The following DOCK1 variants were observed in gnomAD, a reference collection of about 807,000 sequenced individuals.
The protein encoded by DOCK1 is dedicator of cytokinesis protein 1.
DOCK1 carries 138 observed loss-of-function variants against 262.7 expected under a neutral mutation model. The ratio of observed to expected loss-of-function variants is 0.53; its 90% CI spans 0.46 to 0.61. The LOEUF is 0.61. DOCK1 is among the 20% of genes least tolerant of loss of function. DOCK1 has a pLI of 0.00. For synonymous variants in DOCK1, 866 were observed against 867.4 expected (o/e 1.00, Z 0.03); for missense variants, 1,908 against 2,370.7 (o/e 0.80, Z 4.05).
intron 27 of DOCK1, among the ~76,000 whole-genome samples, chr10:127,212,501 C>G (rs960772472): frequency 1.3e-5 from 2 of 152,076 alleles, no homozygotes; most frequent in African/African-American, 4.8e-5. Flanking sequence ...CGGGCAGGTG[C>G]GAACGGTGGA....
intron 27 of DOCK1, among the ~76,000 whole-genome samples, chr10:127,149,255 C>T (rs1564842451): frequency 2.0e-5 from 3 of 152,236 alleles, no homozygotes; most frequent in East Asian, 1.9e-4. Context: ...ACAGACACCC[C>T]ACCCAAGAGA....
At chr10:127,020,481 C>T (rs959068364) in intron 13 of DOCK1, among the ~76,000 whole-genome samples, 1 of 151,714 alleles carries the variant, frequency 6.6e-6, no homozygotes, top group Non-Finnish European at 1.5e-5. Flanking sequence ...GTGGGAGGAT[C>T]CCTGGAGCAC....
chr10:127,008,934 T>A, intron 11 of DOCK1, 130 bp downstream of exon 11: 1 of 912,664 alleles, frequency 1.1e-6, no homozygotes, highest in Non-Finnish European at 1.6e-6. Context: ...GAAAAACCTC[T>A]TTAGTCACTG....
rs779209910 is a variant in DOCK1, at chr10:127,175,422, G to A, written c.2847+47658G>A. 2.5e-6 allele frequency: 4 copies of A among 1,613,144 alleles called. No homozygotes were observed. The highest frequency in any genetic ancestry group is 2.5e-6 in the Non-Finnish European group (3 of 1,180,044). On this transcript the variant is annotated intron_variant, in intron 27 of 51. Coordinates refer to ENST00000623213, the MANE Select transcript of DOCK1 (RefSeq NM_001290223.2). This position sits in a 1 kb window ranked among gnomAD's most constrained non-coding sequence, Gnocchi z 6.3. Reference sequence around the variant, plus strand: ...GTTCCCCAGCCCCGGCGGGGTGTGAGTCTGCGACGGCTGCTCACTACATTC... The same window carrying A: ...GTTCCCCAGCCCCGGCGGGGTGTGAATCTGCGACGGCTGCTCACTACATTC...
chr10:126,963,613 C>CCCTTA, intron 1 of DOCK1, among the ~76,000 whole-genome samples: 1 of 64,432 alleles, frequency 1.6e-5, no homozygotes, highest in Admixed American at 2.1e-4. Context: ...CCCTTCCCTT[C>CCCTTA]CCTTCCCTTC....
At chr10:126,997,142 T>C (rs1199895157) in intron 7 of DOCK1, among the ~76,000 whole-genome samples, 2 of 152,186 alleles carry the variant, frequency 1.3e-5, no homozygotes, top group Non-Finnish European at 2.9e-5. Context: ...TGTTCTCATC[T>C]GTCAAATGAG....
chr10:126,945,937 G>A (rs2134292721), intron 1 of DOCK1, among the ~76,000 whole-genome samples: 1 of 152,288 alleles, frequency 6.6e-6, no homozygotes, highest in Non-Finnish European at 1.5e-5. Flanking sequence ...GAATGCTCAG[G>A]TGTGGTTTGC....
chr10:127,362,856 TACATCCCCACACAC>T (rs2064585597), intron 33 of DOCK1, among the ~76,000 whole-genome samples: 1 of 5,422 alleles, frequency 1.8e-4, no homozygotes, highest in African/African-American at 7.0e-4. Flanking sequence ...CACACACATG[TACATCCCCACACAC>T]ACACATACAC....
At chr10:127,147,908 G>A (rs1010144812) in intron 27 of DOCK1, among the ~76,000 whole-genome samples, 6 of 151,652 alleles carry the variant, frequency 4.0e-5, no homozygotes, top group East Asian at 1.9e-4. Context: ...GTGCGCGCAC[G>A]TAGTCCCAGC....
intron 27 of DOCK1, among the ~76,000 whole-genome samples, chr10:127,131,129 G>A (rs1449440323): frequency 6.6e-6 from 1 of 152,142 alleles, no homozygotes; most frequent in Admixed American, 6.5e-5. Context: ...AGCCTTGCAT[G>A]TTCTAAGAAG....
intron 27 of DOCK1, among the ~76,000 whole-genome samples, chr10:127,151,877 C>A (rs2483852): frequency 0.71 from 108,324 of 152,100 alleles, 43,199 homozygotes; most frequent in South Asian, 0.89. Flanking sequence ...CCACTCGAGT[C>A]ATTCCTGAAA....
At chr10:127,125,112 G>A (rs910070164) in intron 25 of DOCK1, among the ~76,000 whole-genome samples, 9 of 152,202 alleles carry the variant, frequency 5.9e-5, no homozygotes, top group Non-Finnish European at 1.0e-4. Context: ...GCAAGACTCC[G>A]TCTCAAAAAC....
chr10:127,428,827 ACCGTGTGGATTGTG>A (rs1222358621), intron 47 of DOCK1, among the ~76,000 whole-genome samples: 29 of 45,572 alleles, frequency 6.4e-4, no homozygotes, highest in African/African-American at 1.6e-3. Flanking sequence ...GGATTGGGGT[ACCGTGTGGATTGTG>A]CCGTGTGGAT....
intron 10 of DOCK1, among the ~76,000 whole-genome samples, chr10:127,003,658 C>T (rs1332087764): frequency 6.6e-6 from 1 of 152,166 alleles, no homozygotes; most frequent in Admixed American, 6.5e-5. Context: ...TGGTGTGTGT[C>T]TGTACATTAT....
chr10:126,981,748 A>G (rs1271821444), intron 3 of DOCK1, among the ~76,000 whole-genome samples, 170 bp from the exon 4 acceptor site: 1 of 152,202 alleles, frequency 6.6e-6, no homozygotes, highest in African/African-American at 2.4e-5. Context: ...TACAAGCCAA[A>G]TGAGTTGCCG....
chr10:127,367,845 T>C (rs937405594), intron 33 of DOCK1, among the ~76,000 whole-genome samples: 2 of 152,172 alleles, frequency 1.3e-5, no homozygotes, highest in Non-Finnish European at 2.9e-5. Context: ...GGCTGCTGCC[T>C]GTGGGGTTTC....
chr10:127,259,919 A>G (rs2059963191), intron 29 of DOCK1, among the ~76,000 whole-genome samples: 1 of 151,634 alleles, frequency 6.6e-6, no homozygotes, highest in African/African-American at 2.4e-5. Flanking sequence ...TTGCTGCAGC[A>G]CTGGCCGTGA....
chr10:127,096,646 G>A (rs1592009231), intron 23 of DOCK1, among the ~76,000 whole-genome samples: 2 of 151,544 alleles, frequency 1.3e-5, no homozygotes, highest in South Asian at 2.1e-4. Flanking sequence ...TTCTAAAATA[G>A]CATCTATTAA....
At chr10:127,017,450 G>C (rs1565070206) in intron 12 of DOCK1, among the ~76,000 whole-genome samples, 1 of 150,234 alleles carries the variant, frequency 6.7e-6, no homozygotes, top group Admixed American at 6.6e-5. Context: ...AACACAGACA[G>C]ACACAGATTT....
Sources: allele counts gnomAD v4.1 joint callset (sites outside exome capture counted in the v4.1 genomes callset), GRCh38; gene constraint gnomAD v4.1.1; non-coding constraint Gnocchi (gnomAD v3.1); transcripts MANE v1.5; gene names NCBI Gene and HGNC (gene_info 2026-07-23, HGNC 2026-07-21).